The following DCAF7 variants were observed in gnomAD, a reference collection of about 807,000 sequenced individuals.
DCAF7 encodes DDB1- and CUL4-associated factor 7.
DCAF7 carries 4 observed loss-of-function variants against 41.2 expected under a neutral mutation model. The ratio of observed to expected loss-of-function variants is 0.10; its 90% CI spans 0.05 to 0.22. The LOEUF (loss-of-function observed/expected upper bound fraction) is 0.22. DCAF7 is among the 10% of genes least tolerant of loss of function. DCAF7 has a pLI of 1.00. For synonymous variants in DCAF7, 143 were observed against 164.2 expected, an observed-to-expected ratio of 0.87 and a Z score of 0.99; for missense variants, 131 against 443.2, an observed-to-expected ratio of 0.30 and a Z score of 6.32.
chr17:63,564,136 T>C (rs1390120335), intron 1 of DCAF7, among the ~76,000 whole-genome samples: 3 of 147,972 alleles, frequency 2.0e-5, no homozygotes, highest in Non-Finnish European at 4.5e-5. Flanking sequence ...GTTAACTTTA[T>C]ACACACACAC....
intron 1 of DCAF7, among the ~76,000 whole-genome samples, chr17:63,564,156 C>CAT (rs923363489): frequency 1.3e-5 from 2 of 152,052 alleles, no homozygotes; most frequent in Non-Finnish European, 2.9e-5. Context: ...CACACACACA[C>CAT]ACACACATAC....
At chr17:63,568,389 A>G (rs2033468072) in intron 1 of DCAF7, among the ~76,000 whole-genome samples, 1 of 152,180 alleles carries the variant, frequency 6.6e-6, no homozygotes, top group African/African-American at 2.4e-5. Flanking sequence ...GGGGTACTAT[A>G]TGTAGAAAGT....
intron 1 of DCAF7, among the ~76,000 whole-genome samples, chr17:63,573,646 C>G (rs982951523): frequency 2.0e-5 from 3 of 151,572 alleles, no homozygotes; most frequent in Non-Finnish European, 4.4e-5. Flanking sequence ...AGGAGAATCG[C>G]TTAAACCTGA....
At chr17:63,588,722 TTAGTGCAGTGGATA>T (rs1336482085) in intron 6 of DCAF7, among the ~76,000 whole-genome samples, 2 of 152,178 alleles carry the variant, frequency 1.3e-5, no homozygotes, top group African/African-American at 4.8e-5. Context: ...GAAGGACTCA[TTAGTGCAGTGGATA>T]GAGCCTGGGG....
chr17:63,579,270 G>C, intron 2 of DCAF7, 67 bp from the exon 3 acceptor site: 1 of 1,079,594 alleles, frequency 9.3e-7, no homozygotes, highest in Non-Finnish European at 1.3e-6. Flanking sequence ...TCTAAACAGG[G>C]ATTTTTTAAA....
At chr17:63,578,660 G>A (rs557384015) in intron 2 of DCAF7, 32 bp downstream of exon 2, 6 of 1,613,592 alleles carry the variant, frequency 3.7e-6, no homozygotes, top group Non-Finnish European at 5.1e-6. Context: ...AGCCAGACAA[G>A]TGGGCTTTCT....
At chr17:63,586,597 C>T (rs903434025) in intron 6 of DCAF7, among the ~76,000 whole-genome samples, 4 of 151,912 alleles carry the variant, frequency 2.6e-5, no homozygotes, top group Middle Eastern at 3.2e-3. Flanking sequence ...AACCCTGTCT[C>T]TACTAAATAC....
At chr17:63,554,773 C>T (rs1397950266) in intron 1 of DCAF7, among the ~76,000 whole-genome samples, 3 of 152,194 alleles carry the variant, frequency 2.0e-5, no homozygotes, top group African/African-American at 7.2e-5. Context: ...TAATTATTAT[C>T]ATTACTGTAC....
chr17:63,576,053 T>C (rs2147772519), intron 1 of DCAF7, among the ~76,000 whole-genome samples: 1 of 152,274 alleles, frequency 6.6e-6, no homozygotes, highest in South Asian at 2.1e-4. Flanking sequence ...AATAAATACA[T>C]GGTCAACTGA....
At chr17:63,569,610 G>T (rs897870516) in intron 1 of DCAF7, among the ~76,000 whole-genome samples, 2 of 152,084 alleles carry the variant, frequency 1.3e-5, no homozygotes, top group African/African-American at 4.8e-5. Context: ...TAATTCTAAG[G>T]TGTCTCAAAT....
chr17:63,582,484 T>C (rs952767020), intron 4 of DCAF7, among the ~76,000 whole-genome samples: 1 of 152,006 alleles, frequency 6.6e-6, no homozygotes, highest in Admixed American at 6.6e-5. Context: ...TTTTTTTTTT[T>C]CTTTAAGACA....
chr17:63,580,048 C>G (rs1000426288), intron 4 of DCAF7, 105 bp downstream of exon 4: 14 of 782,606 alleles, frequency 1.8e-5, no homozygotes, highest in Non-Finnish European at 2.8e-5. Context: ...TGTAGAAAAT[C>G]ATAACATAAC....
chr17:63,559,457 A>ATTTT (rs34722097), intron 1 of DCAF7, among the ~76,000 whole-genome samples: 30 of 137,606 alleles, frequency 2.2e-4, no homozygotes, highest in African/African-American at 8.3e-4. Flanking sequence ...ATATATATAT[A>ATTTT]TTTTTAATAA....
At chr17:63,588,162 T>C (rs928873256) in intron 6 of DCAF7, among the ~76,000 whole-genome samples, 24 of 151,086 alleles carry the variant, frequency 1.6e-4, no homozygotes, top group Non-Finnish European at 2.7e-4. Flanking sequence ...ACCATCTTTC[T>C]GGTGTTTCCC....
chr17:63,586,871 C>T (rs2033682723), intron 6 of DCAF7, among the ~76,000 whole-genome samples: 1 of 152,106 alleles, frequency 6.6e-6, no homozygotes, highest in African/African-American at 2.4e-5. Context: ...AAGAGCAAGG[C>T]GAAAGTCATC....
At chr17:63,555,289 A>G (rs1426084661) in intron 1 of DCAF7, among the ~76,000 whole-genome samples, 1 of 152,182 alleles carries the variant, frequency 6.6e-6, no homozygotes, top group Non-Finnish European at 1.5e-5. Flanking sequence ...TTTGGCATCC[A>G]GAGAGTATTT....
Position 63,550,859 on chromosome 17 carries a change from C to G in DCAF7, c.138+44C>G, listed in dbSNP as rs781042753. 2 of 1,592,672 alleles carry G rather than the reference C, an allele frequency of 1.3e-6. No homozygotes were observed. The highest frequency in any genetic ancestry group is 2.2e-5 in the South Asian group (2 of 89,330). On this transcript the variant is annotated intron_variant, in intron 1 of 6. Coordinates refer to ENST00000614556, the MANE Select transcript of DCAF7 (RefSeq NM_005828.5). The surrounding 1 kb of genome is among the most constrained non-coding windows in gnomAD (Gnocchi z 4.8). Reference sequence around the variant, plus strand: ...CGGAACCCAGCTGGCGGGGAGCGGGCCCCGGGAGCGCCCTTTCCGGGCCGG... The same window carrying G: ...CGGAACCCAGCTGGCGGGGAGCGGGGCCCGGGAGCGCCCTTTCCGGGCCGG...
At chr17:63,585,713 T>TA (rs1274286114) in intron 6 of DCAF7, among the ~76,000 whole-genome samples, 6 of 152,316 alleles carry the variant, frequency 3.9e-5, no homozygotes, top group African/African-American at 1.4e-4. Context: ...CTTTCAGGTT[T>TA]CACTATAACA....
intron 1 of DCAF7, among the ~76,000 whole-genome samples, chr17:63,560,391 ATAT>A (rs959339280): frequency 2.6e-5 from 4 of 152,234 alleles, no homozygotes; most frequent in Admixed American, 6.5e-5. Flanking sequence ...AAATATGAAA[ATAT>A]TATTATTAGG....
Sources: gnomAD v4.1 joint callset for allele counts (sites outside exome capture counted in the v4.1 genomes callset) on GRCh38, gnomAD v4.1.1 for gene constraint, Gnocchi (gnomAD v3.1) non-coding constraint, MANE v1.5 for transcripts, NCBI Gene and HGNC (gene_info 2026-07-23, HGNC 2026-07-21) for gene names.